CLNK: variants seen among roughly 807,000 people sequenced by gnomAD.
CLNK encodes the protein cytokine-dependent hematopoietic cell linker.
In CLNK, 74 loss-of-function variants were observed where a neutral mutation model predicts 68.6. The observed-to-expected ratio is 1.08, with a 90% CI of 0.89 to 1.31. The LOEUF (loss-of-function observed/expected upper bound fraction) is 1.31. Among genes scored for constraint, CLNK ranks in the 50% most tolerant of loss-of-function variants. The probability of loss-of-function intolerance (pLI) is 0.00; values close to 1 mark genes in which losing one functional copy is unlikely to be tolerated. For missense variants in CLNK, 553 were observed against 515.3 expected (o/e 1.07, Z -0.71); for synonymous variants, 198 against 172.2 (o/e 1.15, Z -1.17).
chr4:10,714,754 G>C, the CLNK span, among the ~76,000 whole-genome samples: 1 of 151,314 alleles, frequency 6.6e-6, no homozygotes, highest in Non-Finnish European at 1.5e-5. Context: ...ATGACTTTAA[G>C]TTAAATATTG....
At chr4:10,609,244 G>A (rs1721912398) in intron 2 of CLNK, among the ~76,000 whole-genome samples, 1 of 152,176 alleles carries the variant, frequency 6.6e-6, no homozygotes, top group Non-Finnish European at 1.5e-5. Context: ...CCTGGTTTCA[G>A]GACAGTCTAC....
At chr4:10,677,825 T>G (rs1398758152) in intron 1 of CLNK, among the ~76,000 whole-genome samples, 3 of 147,428 alleles carry the variant, frequency 2.0e-5, no homozygotes, top group African/African-American at 7.7e-5. Context: ...GAAAATGGAC[T>G]AATAAAAATA....
At chr4:10,625,945 A>T (rs1475127884) in intron 2 of CLNK, among the ~76,000 whole-genome samples, 1 of 152,256 alleles carries the variant, frequency 6.6e-6, no homozygotes, top group Non-Finnish European at 1.5e-5. Context: ...TGTAGTGGGC[A>T]CATTCATTTC....
intron 8 of CLNK, among the ~76,000 whole-genome samples, chr4:10,557,345 C>G (rs569840703): frequency 3.3e-5 from 5 of 152,258 alleles, no homozygotes; most frequent in African/African-American, 7.2e-5. Context: ...CCTCTCATTT[C>G]TAGTTAGGTT....
intron 2 of CLNK, among the ~76,000 whole-genome samples, chr4:10,638,066 A>C (rs1010500554): frequency 1.3e-5 from 2 of 152,172 alleles, no homozygotes; most frequent in African/African-American, 4.8e-5. Flanking sequence ...TGGCAGGTCC[A>C]AACCAAGGCA....
At chr4:10,662,907 ATTTCAAAGTGG>A (rs1724249274) in intron 2 of CLNK, among the ~76,000 whole-genome samples, 1 of 152,244 alleles carries the variant, frequency 6.6e-6, no homozygotes, top group Non-Finnish European at 1.5e-5. Flanking sequence ...CTTAAGCCTT[ATTTCAAAGTGG>A]ACACTCTGGA....
At chr4:10,561,147 T>C (rs140549333) in intron 7 of CLNK, among the ~76,000 whole-genome samples, 1 of 152,212 alleles carries the variant, frequency 6.6e-6, no homozygotes, top group East Asian at 1.9e-4. Flanking sequence ...GCAATTCACC[T>C]ACCTCGGCCT....
chr4:10,589,230 T>A (rs988413981), intron 3 of CLNK, among the ~76,000 whole-genome samples: 1 of 152,182 alleles, frequency 6.6e-6, no homozygotes, highest in Non-Finnish European at 1.5e-5. Context: ...AACTACAACT[T>A]AGATGAGTTC....
intron 18 of CLNK, among the ~76,000 whole-genome samples, chr4:10,495,321 C>T (rs1483020105): frequency 2.0e-5 from 3 of 152,158 alleles, no homozygotes; most frequent in Non-Finnish European, 4.4e-5. Context: ...AGCACTTAAG[C>T]TCCGCAGGTT....
chr4:10,647,668 C>G (rs1026352072), intron 2 of CLNK, among the ~76,000 whole-genome samples: 2 of 152,122 alleles, frequency 1.3e-5, no homozygotes, highest in Non-Finnish European at 2.9e-5. Flanking sequence ...TAAGTAACCA[C>G]TATGTCCTGG....
chr4:10,630,302 T>C (rs748027663), intron 2 of CLNK, among the ~76,000 whole-genome samples: 11 of 152,222 alleles, frequency 7.2e-5, no homozygotes, highest in Non-Finnish European at 1.2e-4. Context: ...TTTGTACCCA[T>C]TGGACTCTGT....
chr4:10,548,240 C>T (rs1182142296), intron 8 of CLNK, among the ~76,000 whole-genome samples: 1 of 152,118 alleles, frequency 6.6e-6, no homozygotes, highest in South Asian at 2.1e-4. Flanking sequence ...AGTTGCATTT[C>T]CTTCATGACC....
At position 10,536,833 on chromosome 4, in the gene CLNK, C is replaced by T. The variant is rs544564781; in HGVS notation, c.602+3661G>A. On this transcript the variant is annotated intron_variant, in intron 11 of 18. Coordinates refer to ENST00000226951, the MANE Select transcript of CLNK (RefSeq NM_052964.4). ...GAACCCCAGAGATATCAAATGCCAA[C>T]TTCTAAAGATGTCAACACCACCAAG... Among the ~76,000 whole-genome samples, 130 of 152,262 alleles carry T rather than the reference C, an allele frequency of 8.5e-4. 7 individuals carry two copies. Among genetic ancestry groups the T allele is most frequent in the Admixed American group, 1.4e-3 (22 of 15,298 alleles).
At chr4:10,660,759 T>C (rs1368730462) in intron 2 of CLNK, among the ~76,000 whole-genome samples, 4 of 152,204 alleles carry the variant, frequency 2.6e-5, no homozygotes, top group Non-Finnish European at 5.9e-5. Context: ...TATTCCCTCA[T>C]CACCGACCAT....
chr4:10,596,347 A>C (rs1162378442), intron 3 of CLNK, among the ~76,000 whole-genome samples: 1 of 152,190 alleles, frequency 6.6e-6, no homozygotes, highest in Non-Finnish European at 1.5e-5. Flanking sequence ...TCTAAAACAC[A>C]GGAGGTGTTG....
the CLNK span, among the ~76,000 whole-genome samples, chr4:10,731,351 C>T: frequency 6.6e-6 from 1 of 152,152 alleles, no homozygotes; most frequent in African/African-American, 2.4e-5. Flanking sequence ...GGGATTTCTC[C>T]CCGGGTGGTT....
At chr4:10,680,513 A>G (rs2108903141) in intron 1 of CLNK, among the ~76,000 whole-genome samples, 1 of 152,318 alleles carries the variant, frequency 6.6e-6, no homozygotes, top group African/African-American at 2.4e-5. Context: ...AACTTAAAGT[A>G]TAATAATAAT....
chr4:10,610,295 C>T (rs1342221165), intron 2 of CLNK, among the ~76,000 whole-genome samples: 45 of 150,138 alleles, frequency 3.0e-4, no homozygotes, highest in Non-Finnish European at 1.3e-4. Flanking sequence ...CCGCCCGCCT[C>T]GGCCTCCCAA....
intron 3 of CLNK, among the ~76,000 whole-genome samples, chr4:10,586,239 G>A (rs1399916827): frequency 6.6e-6 from 1 of 152,106 alleles, no homozygotes; most frequent in Non-Finnish European, 1.5e-5. Flanking sequence ...ATATTTTGAA[G>A]GGGCATTTAG....
Sources: gnomAD v4.1 joint callset for allele counts (sites outside exome capture counted in the v4.1 genomes callset) on GRCh38, gnomAD v4.1.1 for gene constraint, MANE v1.5 for transcripts, NCBI Gene and HGNC (gene_info 2026-07-23, HGNC 2026-07-21) for gene names.